Variants in PPM1F observed in about 807,000 individuals in gnomAD.
PPM1F encodes the protein protein phosphatase 1F.
PPM1F carries 17 observed loss-of-function variants against 35.5 expected under a neutral mutation model. The observed-to-expected ratio is 0.48, with a 90% confidence interval of 0.33 to 0.72. The LOEUF is 0.72. Among genes scored for constraint, PPM1F ranks in the 30% least tolerant of loss-of-function variants. PPM1F has a pLI of 0.02. For missense variants in PPM1F, 521 were observed against 613.0 expected (o/e 0.85, Z 1.59); for synonymous variants, 241 against 255.5 (o/e 0.94, Z 0.54).
intron 2 of PPM1F, chr22:21,942,268 ATTTT>A: frequency 2.2e-5 from 3 of 139,442 alleles, no homozygotes; most frequent in Non-Finnish European, 3.1e-5. Flanking sequence ...TGGATTCCTG[ATTTT>A]TTTTTTTTTT....
chr22:21,931,153 G>C lies in PPM1F; in HGVS notation c.886C>G (p.Arg296Gly). 6.2e-7 allele frequency: 1 copy of C among 1,614,174 alleles called. No individual in the cohort carries two copies. The highest frequency in any genetic ancestry group is 8.5e-7 in the Non-Finnish European group (1 of 1,180,026). Residue 296 changes from arginine (R) to glycine (G), a missense_variant, in exon 6 of 8, where the codon CGG (arginine) becomes GGG (glycine). By Grantham distance (125) the Arg-to-Gly change is moderately radical. Coordinates refer to ENST00000263212, the MANE Select transcript of PPM1F (RefSeq NM_014634.4). ...VKLMEPHRPERQDEKARIEAL... is the reference protein window; with the variant it reads ...VKLMEPHRPEGQDEKARIEAL... ...GGGCGCAGGGATCCCCTTACCTGCC[G>C]TTCTGGTCTGTGTGGCTCCATCAGC...
intron 2 of PPM1F, chr22:21,941,286 A>T (rs981206620): frequency 6.6e-6 from 1 of 152,282 alleles, no homozygotes; most frequent in Non-Finnish European, 1.5e-5. Flanking sequence ...CCTGGTGTGG[A>T]GGGTGGGCTG....
intron 3 of PPM1F, chr22:21,935,508 A>C (rs1051650075): frequency 3.3e-5 from 5 of 152,218 alleles, no homozygotes; most frequent in Admixed American, 6.5e-5. Flanking sequence ...GTATACATGG[A>C]ATCTCTTTGT....
chr22:21,925,714 A>C, intron 6 of PPM1F, 52 bp from the exon 7 acceptor site: 1 of 1,430,566 alleles, frequency 7.0e-7, no homozygotes. Flanking sequence ...TGGGGCGTGA[A>C]GCCCCCTGCT....
At chr22:21,945,091 C>T (rs914710822) in intron 2 of PPM1F, 1 of 152,314 alleles carries the variant, frequency 6.6e-6, no homozygotes, top group African/African-American at 2.4e-5. Flanking sequence ...TGCTTATCAG[C>T]TGCTATGCAA....
chr22:21,945,949 G>A lies in PPM1F; in HGVS notation c.100C>T (p.Leu34=), dbSNP rs1569132300. The stretch of plus-strand genomic sequence containing the variant: ...CATGGCAGAGGGTCCTCTGGGTTCA[G>A]CAGGGCTGGGAAGTCTTGCAGGAGC... ...DTLLQDFPAL[L]NPEDPLPWKA... The change falls in exon 2 of 8, where the codon CTG becomes TTG. Residue 34 remains leucine (L), a synonymous_variant. Coordinates refer to ENST00000263212, the MANE Select transcript of PPM1F (RefSeq NM_014634.4). The A allele has an allele frequency of 1.9e-6, 3 of 1,612,720 alleles. No homozygotes were observed. The highest frequency in any genetic ancestry group is 3.3e-5 in the Admixed American group (2 of 59,840).
Position 21,922,908 on chromosome 22 carries a change from C to A in PPM1F, c.*184G>T. On this transcript the variant is annotated 3_prime_UTR_variant, in exon 8 of 8. Coordinates refer to ENST00000263212, the MANE Select transcript of PPM1F (RefSeq NM_014634.4). ...CTGCCTTCCACCATCTGCCCGCCACCCAGTGCAGTTCCACAGCCACCAGGA... is the reference window on the plus strand; with the variant it reads ...CTGCCTTCCACCATCTGCCCGCCACACAGTGCAGTTCCACAGCCACCAGGA... 1 of 742,474 alleles carries A rather than the reference C, an allele frequency of 1.3e-6. No homozygotes were observed. The highest frequency in any genetic ancestry group is 2.2e-6 in the Non-Finnish European group (1 of 450,412). The allele number at this position is 742,474 out of a possible 1,614,324, so 46.0% of individuals were successfully genotyped here.
intron 2 of PPM1F, chr22:21,945,122 G>A (rs2145807285): frequency 6.6e-6 from 1 of 152,404 alleles, no homozygotes; most frequent in Admixed American, 6.5e-5. Context: ...TCCCTAAAAG[G>A]TATGTTGAAG....
In PPM1F at chr22:21,940,256, C is replaced by T. The variant is rs201643626; in HGVS notation, c.207-576G>A. Among the ~76,000 whole-genome samples the T allele has an allele frequency of 2.0e-5, 3 of 152,110 alleles. No homozygotes were observed. The East Asian group carries it at 5.8e-4, about 29-fold the overall frequency. On this transcript the variant is annotated intron_variant, in intron 2 of 7. Transcript: ENST00000263212. ...TTGGGAGGCCAAGGCAGGTAGATCA[C>T]GAGGTCAGGAGTTTGAGACCAGCCT...
At chr22:21,944,828 A>G (rs992062151) in intron 2 of PPM1F, 1 of 152,282 alleles carries the variant, frequency 6.6e-6, no homozygotes, top group Non-Finnish European at 1.5e-5. Flanking sequence ...AGCCTAGGCG[A>G]CAGCTACACA....
chr22:21,926,070 G>T, intron 6 of PPM1F: 1 of 180,142 alleles, frequency 5.6e-6, no homozygotes. Context: ...CATGTGACGT[G>T]AGTGGTCACA....
At chr22:21,925,775 G>A (rs768193423) in intron 6 of PPM1F, 113 bp from the exon 7 acceptor site, 13 of 787,214 alleles carry the variant, frequency 1.7e-5, no homozygotes, top group Middle Eastern at 2.5e-4. Flanking sequence ...ATTCAAAGCC[G>A]CAGCACTGGA....
Position 21,934,123 on chromosome 22 carries a change from C to G in PPM1F, c.459G>C (p.Arg153=). The G allele has an allele frequency of 6.4e-7, 1 of 1,568,904 alleles. No individual in the cohort carries two copies. The change falls in exon 4 of 8, where the codon CGG becomes CGC. Residue 153 remains arginine, a synonymous_variant. Transcript: ENST00000263212. ...QVPLAARASQ[R]QWLVSIHAIR... ...TGGCGTGGATGGAGACCAGCCACTG[C>G]CGCTGTGAGGCCCGGGCAGCCAATG...
At chr22:21,927,192 A>C (rs1034274814) in intron 6 of PPM1F, among the ~76,000 whole-genome samples, 1 of 152,236 alleles carries the variant, frequency 6.6e-6, no homozygotes, top group Non-Finnish European at 1.5e-5. Flanking sequence ...GGCAAGGAGG[A>C]CCAGGAAGGA....
Position 21,921,112 on chromosome 22 carries a change from G to T in PPM1F, c.*1980C>A, listed in dbSNP as rs1181484917. 1 of 152,520 alleles carries T rather than the reference G, an allele frequency of 6.6e-6. No individual in the cohort carries two copies. The highest frequency in any genetic ancestry group is 1.5e-5 in the Non-Finnish European group (1 of 68,028). 9.4% of individuals were successfully genotyped at this position (152,520 alleles called of 1,614,324 possible). A position where few individuals can be genotyped will look rare whatever the true frequency, so the allele number is the denominator to read the frequency against. ...CTGTGCTGTGAGAATGAGGGGTAAGGCTGGGCATGCAGGTAGGGCCCCAGC... is the reference window on the plus strand; with the variant it reads ...CTGTGCTGTGAGAATGAGGGGTAAGTCTGGGCATGCAGGTAGGGCCCCAGC... On this transcript the variant is annotated 3_prime_UTR_variant, in exon 8 of 8. Transcript: ENST00000263212.
In PPM1F at chr22:21,939,063, G is replaced by C. The variant is rs538589907; in HGVS notation, c.355+469C>G. The C allele has an allele frequency of 6.1e-6, 1 of 162,832 alleles. No homozygotes were observed. Among genetic ancestry groups the C allele is most frequent in the Non-Finnish European group, 1.4e-5 (1 of 73,772 alleles). 10.1% of individuals were successfully genotyped at this position (162,832 alleles called of 1,614,324 possible). The stretch of plus-strand genomic sequence containing the variant: ...GGGGCAGCTGAGGCAGGGGGCCCGA[G>C]CGTTGAGGGGACCACGCTGCTGCCC... On this transcript the variant is annotated intron_variant, in intron 3 of 7. Transcript: ENST00000263212. The surrounding 1 kb of genome is among the most constrained non-coding windows in gnomAD (Gnocchi z 5.1).
chr22:21,934,156 C>A lies in PPM1F; in HGVS notation c.426G>T (p.Lys142Asn). 1 of 1,577,752 alleles carries A rather than the reference C, an allele frequency of 6.3e-7. No homozygotes were observed. Among genetic ancestry groups the A allele is most frequent in the Non-Finnish European group, 8.6e-7 (1 of 1,161,706 alleles). ...RLWEVAGQWQ[K>N]QVPLAARASQ... is the part of the protein sequence containing the mutation. Reference sequence around the variant, plus strand: ...AGGCCCGGGCAGCCAATGGCACCTGCTTCTGCCACTGGCCGGCGACTTCCC... The same window carrying A: ...AGGCCCGGGCAGCCAATGGCACCTGATTCTGCCACTGGCCGGCGACTTCCC... The change falls in exon 4 of 8, where the codon AAG becomes AAT. Residue 142 changes from lysine (K) to asparagine (N), a missense_variant. Lys to Asn is a moderately conservative substitution (Grantham distance 94, BLOSUM62 0). Coordinates refer to ENST00000263212, the MANE Select transcript of PPM1F (RefSeq NM_014634.4).
At position 21,921,892 on chromosome 22, in the gene PPM1F, G is replaced by A. The variant is rs1300751776; in HGVS notation, c.*1200C>T. The A allele has an allele frequency of 6.6e-6, 1 of 152,266 alleles. No homozygotes were observed. Among genetic ancestry groups the A allele is most frequent in the African/African-American group, 2.4e-5 (1 of 41,466 alleles). The allele number at this position is 152,266 out of a possible 1,614,324, so 9.4% of individuals were successfully genotyped here. A position where few individuals can be genotyped will look rare whatever the true frequency, so the allele number is the denominator to read the frequency against. On this transcript the variant is annotated 3_prime_UTR_variant, in exon 8 of 8. Coordinates refer to ENST00000263212, the MANE Select transcript of PPM1F (RefSeq NM_014634.4). ...TGGGAATGCAGGCAGATGGGCCAAG[G>A]TCACCCGGGATGCCCAGAGCCCCGC...
Position 21,923,067 on chromosome 22 carries a change from G to T in PPM1F, c.*25C>A, listed in dbSNP as rs1213161067. 3.2e-6 allele frequency: 5 copies of T among 1,567,454 alleles called. No homozygotes were observed. The highest frequency in any genetic ancestry group is 3.5e-6 in the Non-Finnish European group (4 of 1,158,786). ...AGAGAAGGACAAGGATGGGAGGAAG[G>T]GGAGGGCAGGGGCCTGGAAACCACC... On this transcript the variant is annotated 3_prime_UTR_variant, in exon 8 of 8. Coordinates refer to ENST00000263212, the MANE Select transcript of PPM1F (RefSeq NM_014634.4).
Sources: allele counts gnomAD v4.1 joint callset (sites outside exome capture counted in the v4.1 genomes callset), GRCh38; gene constraint gnomAD v4.1.1; non-coding constraint Gnocchi (gnomAD v3.1); transcripts MANE v1.5; gene names NCBI Gene and HGNC (gene_info 2026-07-23, HGNC 2026-07-21).